The following CAMTA1 variants were observed in gnomAD, a reference collection of about 807,000 sequenced individuals.
CAMTA1 encodes the protein calmodulin binding transcription activator 1, also known as calmodulin-binding transcription activator 1.
A neutral mutation model predicts 170.9 loss-of-function variants in CAMTA1; 27 were observed. That is an observed-to-expected ratio of 0.16 (90% CI 0.12 to 0.22). The LOEUF (loss-of-function observed/expected upper bound fraction) is 0.22, where lower values mean the gene tolerates loss of function less well. Among genes scored for constraint, CAMTA1 ranks in the 10% least tolerant of loss-of-function variants. The probability of loss-of-function intolerance (pLI) is 1.00; values close to 1 mark genes in which losing one functional copy is unlikely to be tolerated. For missense variants in CAMTA1, 1,619 were observed against 2,217.2 expected (o/e 0.73, Z 5.42); for synonymous variants, 833 against 891.5 (o/e 0.93, Z 1.17).
intron 10 of CAMTA1, 25 bp downstream of exon 10, chr1:7,671,062 C>T (rs770438754): frequency 2.5e-6 from 4 of 1,611,214 alleles, no homozygotes; most frequent in African/African-American, 1.3e-5. Context: ...CCCCAGGCCC[C>T]CAAGGTGAGT....
chr1:6,822,440 TTCTCAGTATTAA>T (rs1646597990), intron 2 of CAMTA1, among the ~76,000 whole-genome samples: 1 of 152,206 alleles, frequency 6.6e-6, no homozygotes, highest in African/African-American at 2.4e-5. Context: ...AGTAATTCTT[TTCTCAGTATTAA>T]ACTCGCAATC....
intron 3 of CAMTA1, among the ~76,000 whole-genome samples, chr1:6,836,418 T>G (rs1324109846): frequency 6.6e-6 from 1 of 152,298 alleles, no homozygotes; most frequent in Non-Finnish European, 1.5e-5. Context: ...TGAGGTCTTC[T>G]TAGAAGCTTC....
At chr1:7,131,317 T>G (rs1047859441) in intron 4 of CAMTA1, among the ~76,000 whole-genome samples, 1 of 152,118 alleles carries the variant, frequency 6.6e-6, no homozygotes, top group Admixed American at 6.6e-5. Context: ...GAAGTAAAAT[T>G]TGTTGACTAT....
intron 4 of CAMTA1, among the ~76,000 whole-genome samples, chr1:7,198,228 T>C (rs768652467): frequency 6.6e-6 from 1 of 152,008 alleles, no homozygotes; most frequent in Non-Finnish European, 1.5e-5. Context: ...CCCCAGGCCC[T>C]GCTCAGTGCA....
At chr1:7,134,189 T>G (rs1334037106) in intron 4 of CAMTA1, among the ~76,000 whole-genome samples, 1 of 152,254 alleles carries the variant, frequency 6.6e-6, no homozygotes, top group African/African-American at 2.4e-5. Flanking sequence ...CATAGGATTA[T>G]GACCTCCACC....
chr1:7,440,584 A>ATT (rs1386445134), intron 5 of CAMTA1, among the ~76,000 whole-genome samples: 5 of 149,668 alleles, frequency 3.3e-5, no homozygotes, highest in African/African-American at 1.2e-4. Context: ...CACTCCTTTT[A>ATT]TTTTTTTTTT....
intron 4 of CAMTA1, among the ~76,000 whole-genome samples, chr1:7,214,061 A>G (rs997422173): frequency 5.9e-5 from 9 of 152,214 alleles, no homozygotes; most frequent in African/African-American, 1.7e-4. Flanking sequence ...TAGTGCCACA[A>G]TAAACACACA....
chr1:7,471,535 C>A lies in CAMTA1; in HGVS notation c.510+3634C>A, dbSNP rs118056643. ...GGGCTCTGTGTCACAGCTGACAGGG[C>A]CTTCAGGCTCCCCTGAGCCTACCCA... On this transcript the variant is annotated intron_variant, in intron 6 of 22. Coordinates refer to ENST00000303635, the MANE Select transcript of CAMTA1 (RefSeq NM_015215.4). Among the ~76,000 whole-genome samples the A allele has an allele frequency of 5.1e-3, 779 of 152,338 alleles. 18 individuals carry two copies. The East Asian group carries it at 0.073, about 14-fold the overall frequency.
At chr1:7,145,388 G>C (rs965841657) in intron 4 of CAMTA1, among the ~76,000 whole-genome samples, 1 of 152,242 alleles carries the variant, frequency 6.6e-6, no homozygotes, top group African/African-American at 2.4e-5. Context: ...TCAATGTGAG[G>C]TTCTATCTTT....
intron 5 of CAMTA1, chr1:7,441,026 A>G (rs998158415): frequency 1.3e-5 from 2 of 152,056 alleles, no homozygotes; most frequent in African/African-American, 2.4e-5. Flanking sequence ...CGTCACCCAC[A>G]TCTCCTTTTG....
chr1:7,077,588 A>AAG (rs1445730216), intron 3 of CAMTA1, among the ~76,000 whole-genome samples: 23 of 152,042 alleles, frequency 1.5e-4, no homozygotes, highest in African/African-American at 5.6e-4. Flanking sequence ...GCTGTGAGGG[A>AAG]AGATAGGAGG....
chr1:7,103,893 AACACACAACTACACGCGCACTCACACAT>A (rs1558103386), intron 4 of CAMTA1, among the ~76,000 whole-genome samples: 14 of 150,002 alleles, frequency 9.3e-5, no homozygotes, highest in Non-Finnish European at 1.5e-5. Context: ...ATGTACACAC[AACACACAACTACACGCGCACTCACACAT>A]ACACACAACT....
At chr1:7,654,893 T>C (rs1218407735) in intron 7 of CAMTA1, among the ~76,000 whole-genome samples, 1 of 99,428 alleles carries the variant, frequency 1.0e-5, no homozygotes. Flanking sequence ...TACACACAAA[T>C]ACATCTATAC....
chr1:7,747,182 G>A (rs1465188020), intron 18 of CAMTA1, among the ~76,000 whole-genome samples: 4 of 152,188 alleles, frequency 2.6e-5, no homozygotes, highest in African/African-American at 9.7e-5. Context: ...CTGCTGCTAG[G>A]AGGTCGTGAC....
chr1:7,419,485 G>A (rs2091419791), intron 5 of CAMTA1, among the ~76,000 whole-genome samples: 1 of 152,058 alleles, frequency 6.6e-6, no homozygotes, highest in Non-Finnish European at 1.5e-5. Context: ...GACTTTTGGG[G>A]ATCCCAGGGC....
chr1:7,578,496 C>A (rs1255550638), intron 6 of CAMTA1, among the ~76,000 whole-genome samples: 1 of 152,236 alleles, frequency 6.6e-6, no homozygotes, highest in African/African-American at 2.4e-5. Flanking sequence ...GAAGGGCTGG[C>A]TCACCTGCCC....
chr1:6,787,422 G>A (rs548253944), intron 1 of CAMTA1, among the ~76,000 whole-genome samples: 2 of 152,136 alleles, frequency 1.3e-5, no homozygotes, highest in Non-Finnish European at 2.9e-5. Flanking sequence ...TTGCTGTTCC[G>A]GTTCTGCTTT....
At chr1:7,382,606 C>G (rs556379285) in intron 5 of CAMTA1, 1 of 152,332 alleles carries the variant, frequency 6.6e-6, no homozygotes, top group East Asian at 1.9e-4. Flanking sequence ...CCGTAATAAG[C>G]CAGTGTGATT....
intron 16 of CAMTA1, among the ~76,000 whole-genome samples, chr1:7,743,234 C>T (rs1056800149): frequency 6.6e-6 from 1 of 151,940 alleles, no homozygotes; most frequent in Non-Finnish European, 1.5e-5. Flanking sequence ...ATAAAATTAT[C>T]CACAATAAGC....
Sources: allele counts gnomAD v4.1 joint callset (sites outside exome capture counted in the v4.1 genomes callset), GRCh38; gene constraint gnomAD v4.1.1; transcripts MANE v1.5; gene names NCBI Gene and HGNC (gene_info 2026-07-23, HGNC 2026-07-21).